TECPR1: variants seen among roughly 807,000 people sequenced by gnomAD.
The protein encoded by TECPR1 is tectonin beta-propeller repeat containing 1, also known as tectonin beta-propeller repeat-containing protein 1.
A neutral mutation model predicts 162.4 loss-of-function variants in TECPR1; 122 were observed. That is an observed-to-expected ratio of 0.75 (90% confidence interval 0.65 to 0.87). The LOEUF is 0.87. TECPR1 is among the 40% of genes least tolerant of loss of function. TECPR1 has a pLI of 0.00. For synonymous variants in TECPR1, 642 were observed against 670.6 expected (o/e 0.96, Z 0.66); for missense variants, 1,432 against 1,618.2 (o/e 0.88, Z 1.97).
chr7:98,247,990 C>T (rs117486614), intron 2 of TECPR1, among the ~76,000 whole-genome samples: 3 of 152,294 alleles, frequency 2.0e-5, no homozygotes, highest in East Asian at 1.9e-4. Context: ...CCTCCCGAAG[C>T]GCTGGGATTA....
At chr7:98,248,454 G>A (rs567335802) in intron 2 of TECPR1, among the ~76,000 whole-genome samples, 109 of 151,648 alleles carry the variant, frequency 7.2e-4, no homozygotes, top group Non-Finnish European at 1.1e-3. Flanking sequence ...AGAGCCATGC[G>A]GGTGCTCCAG....
At position 98,243,568 on chromosome 7, in the gene TECPR1, C is replaced by T; in HGVS notation, c.556G>A (p.Glu186Lys). Residue 186 changes from glutamate (E) to lysine (K), a missense_variant, in exon 6 of 26, where the codon GAG (glutamate) becomes AAG (lysine). Transcript: ENST00000447648. ...AGGTCGTTGAAGGGGTCGGGCAGCT[C>T]CTTGGGGTCATCCTTCGAGGGGATC... ...AKIPSKDDPK[E>K]LPDPFNDLSV... The T allele has an allele frequency of 1.2e-6, 2 of 1,612,524 alleles. No homozygotes were observed. The highest frequency in any genetic ancestry group is 1.7e-6 in the Non-Finnish European group (2 of 1,179,740).
At chr7:98,233,218 G>T in intron 11 of TECPR1, 1 of 820,786 alleles carries the variant, frequency 1.2e-6, no homozygotes, top group Non-Finnish European at 1.8e-6. Flanking sequence ...TGGCCACCGT[G>T]CTTCCAGGTC....
rs752782594 is a variant in TECPR1 at position 98,244,571 on chromosome 7, C to T, written c.531G>A (p.Lys177=). The change falls in exon 5 of 26, where the codon AAG becomes AAA. Residue 177 remains lysine, a splice_region_variant and synonymous_variant. Coordinates refer to ENST00000447648, the MANE Select transcript of TECPR1 (RefSeq NM_015395.3). ...CCAACCCACATTCAGGAACAGAGAC[C>T]TTGGCCCAGATGTCCCGGGACTTGT... is the stretch of plus-strand genomic sequence containing the variant. ...RRYKSRDIWA[K]IPSKDDPKEL... 1 of 1,605,724 alleles carries T rather than the reference C, an allele frequency of 6.2e-7. No individual in the cohort carries two copies.
chr7:98,243,684 CA>C, intron 5 of TECPR1, 92 bp from the exon 6 acceptor site: 2 of 1,477,002 alleles, frequency 1.4e-6, no homozygotes, highest in Non-Finnish European at 1.8e-6. Flanking sequence ...TCCGGACTTC[CA>C]TTCTTCAGCC....
intron 23 of TECPR1, among the ~76,000 whole-genome samples, 175 bp downstream of exon 23, chr7:98,221,486 T>TG (rs201308314): frequency 1.3e-5 from 2 of 149,216 alleles, no homozygotes; most frequent in Non-Finnish European, 3.0e-5. Context: ...ATTAAAGTTT[T>TG]TTTTTTTTTT....
At position 98,217,510 on chromosome 7, in the gene TECPR1, G is replaced by A; in HGVS notation, c.3385-7C>T. 1 of 1,592,856 alleles carries A rather than the reference G, an allele frequency of 6.3e-7. No individual in the cohort carries two copies. Among genetic ancestry groups the A allele is most frequent in the Non-Finnish European group, 8.5e-7 (1 of 1,170,620 alleles). ...AGATATGGTCCCAGCCTCCCTGGAA[G>A]GAGAGAGCTGTGTCACCAGGGGACT... On this transcript the variant is annotated splice_polypyrimidine_tract_variant and splice_region_variant and intron_variant, in intron 25 of 25. Transcript: ENST00000447648.
chr7:98,228,195 T>C (rs1404901094), intron 16 of TECPR1, 79 bp from the exon 17 acceptor site: 9 of 1,155,434 alleles, frequency 7.8e-6, no homozygotes, highest in Non-Finnish European at 1.1e-5. Context: ...GAAGCACAGA[T>C]TCCCAGAGAG....
rs547493390 is a variant in TECPR1 at position 98,236,829 on chromosome 7, G to C, written c.1128C>G (p.Ile376Met). 1 of 1,588,618 alleles carries C rather than the reference G, an allele frequency of 6.3e-7. No individual in the cohort carries two copies. The highest frequency in any genetic ancestry group is 1.8e-5 in the Admixed American group (1 of 56,412). ...ELSGKTWKAI[I>M]AARECDRSHS... ...GTGACCGGTCACACTCTCGGGCCGCGATGATGGCTTTCCAGGTCTTCCCAC... is the reference window on the plus strand; with the variant it reads ...GTGACCGGTCACACTCTCGGGCCGCCATGATGGCTTTCCAGGTCTTCCCAC... The change falls in exon 10 of 26, where the codon ATC becomes ATG. Residue 376 changes from isoleucine (I) to methionine (M), a missense_variant. Coordinates refer to ENST00000447648, the MANE Select transcript of TECPR1 (RefSeq NM_015395.3).
intron 6 of TECPR1, among the ~76,000 whole-genome samples, chr7:98,242,976 ACC>A (rs1480514700): frequency 1.6e-3 from 13 of 8,334 alleles, no homozygotes; most frequent in Middle Eastern, 0.056. Context: ...ATCCACCCAC[ACC>A]CATCCATCCA....
Position 98,231,968 on chromosome 7 carries a change from G to A in TECPR1, c.1819-9C>T, listed in dbSNP as rs541605157. ...GTCTTCACCCACACCGACTGCGCAGGCCGGGGCAGTGGACACCATCACAGG... is the reference window on the plus strand; with the variant it reads ...GTCTTCACCCACACCGACTGCGCAGACCGGGGCAGTGGACACCATCACAGG... On this transcript the variant is annotated splice_polypyrimidine_tract_variant and intron_variant, in intron 12 of 25. Coordinates refer to ENST00000447648, the MANE Select transcript of TECPR1 (RefSeq NM_015395.3). The A allele has an allele frequency of 6.3e-7, 1 of 1,596,674 alleles. No homozygotes were observed. The highest frequency in any genetic ancestry group is 1.1e-5 in the South Asian group (1 of 90,594).
At chr7:98,225,240 A>G in intron 17 of TECPR1, 138 bp from the exon 18 acceptor site, 1 of 786,440 alleles carries the variant, frequency 1.3e-6, no homozygotes, top group Non-Finnish European at 2.1e-6. Context: ...CGCACTCCTA[A>G]GAGGTGACAG....
At chr7:98,238,846 C>T (rs1798670479) in intron 8 of TECPR1, among the ~76,000 whole-genome samples, 1 of 152,224 alleles carries the variant, frequency 6.6e-6, no homozygotes, top group South Asian at 2.1e-4. Flanking sequence ...GGTCCTCTGG[C>T]CTCAGCCACA....
At chr7:98,230,056 G>A (rs1798383730) in intron 15 of TECPR1, among the ~76,000 whole-genome samples, 1 of 150,752 alleles carries the variant, frequency 6.6e-6, no homozygotes, top group South Asian at 2.1e-4. Flanking sequence ...CGTGGTGTGA[G>A]TGTGATCACA....
chr7:98,236,302 T>C (rs189281457), intron 10 of TECPR1, among the ~76,000 whole-genome samples: 2 of 152,198 alleles, frequency 1.3e-5, no homozygotes, highest in African/African-American at 2.4e-5. Context: ...GAACAAACCC[T>C]CCAGGAGACC....
rs1257832916 is a variant in TECPR1, at chr7:98,216,942, C to T, written c.*448G>A. 5.9e-6 allele frequency: 1 copy of T among 168,372 alleles called. No homozygotes were observed. The highest frequency in any genetic ancestry group is 5.6e-5 in the Admixed American group (1 of 17,984). 10.4% of individuals were successfully genotyped at this position (168,372 alleles called of 1,614,324 possible). A position where few individuals can be genotyped will look rare whatever the true frequency, so the allele number is the denominator to read the frequency against. On this transcript the variant is annotated 3_prime_UTR_variant, in exon 26 of 26. Coordinates refer to ENST00000447648, the MANE Select transcript of TECPR1 (RefSeq NM_015395.3). Reference sequence around the variant, plus strand: ...TGGTCACTGCACATGGTAAAGAGGCCCTGAGCCCCATGGCCATCTCTCTTG... The same window carrying T: ...TGGTCACTGCACATGGTAAAGAGGCTCTGAGCCCCATGGCCATCTCTCTTG...
intron 10 of TECPR1, among the ~76,000 whole-genome samples, chr7:98,234,554 C>T (rs1016499599): frequency 6.6e-6 from 1 of 152,130 alleles, no homozygotes; most frequent in Non-Finnish European, 1.5e-5. Flanking sequence ...ATACACCCAG[C>T]AGTGGATGTG....
At position 98,218,116 on chromosome 7, in the gene TECPR1, G is replaced by T. The variant is rs918439930; in HGVS notation, c.3158-74C>A. The T allele has an allele frequency of 1.1e-5, 14 of 1,273,800 alleles. No individual in the cohort carries two copies. In the Admixed American group the frequency reaches 2.9e-4, roughly 26 times the overall value. 78.9% of individuals were successfully genotyped at this position (1,273,800 alleles called of 1,614,324 possible). ...TCCTGCCCGTGCGGCCCGGCAGCCG[G>T]TGGCCAGGCCCCGCTCTAACCACTT... is the stretch of plus-strand genomic sequence containing the variant. On this transcript the variant is annotated intron_variant, in intron 23 of 25. Transcript: ENST00000447648.
Position 98,241,195 on chromosome 7 carries a change from C to T in TECPR1, c.707G>A (p.Trp236Ter), listed in dbSNP as rs750913181. 1.2e-5 allele frequency: 19 copies of T among 1,612,756 alleles called. No homozygotes were observed. Among genetic ancestry groups the T allele is most frequent in the Non-Finnish European group, 8.5e-7 (1 of 1,179,842 alleles). ...VSHSNPEGSS[W>*]SLLDTPGEVV... ...CTCCCCGGGGGTGTCCAGCAGGGAC[C>T]AGGAGGACCCTTCGGGGTTGGAGTG... Residue 236 changes from tryptophan to a stop codon, truncating the protein, a stop_gained, in exon 7 of 26, where the codon TGG becomes TAG. Coordinates refer to ENST00000447648, the MANE Select transcript of TECPR1 (RefSeq NM_015395.3). LOFTEE classifies it high-confidence loss of function. The surrounding 1 kb of genome is among the most constrained non-coding windows in gnomAD (Gnocchi z 5.0).
Sources: gnomAD v4.1 joint callset for allele counts (sites outside exome capture counted in the v4.1 genomes callset) on GRCh38, gnomAD v4.1.1 for gene constraint, Gnocchi (gnomAD v3.1) non-coding constraint, MANE v1.5 for transcripts, NCBI Gene and HGNC (gene_info 2026-07-23, HGNC 2026-07-21) for gene names.